Variants in ITGB5 observed in about 807,000 individuals in gnomAD.
ITGB5 encodes integrin subunit beta 5.
A neutral mutation model predicts 84.8 loss-of-function variants in ITGB5; 38 were observed. The ratio of observed to expected loss-of-function variants is 0.45; its 90% CI spans 0.35 to 0.59. ITGB5 has a LOEUF of 0.59. ITGB5 is among the 20% of genes least tolerant of loss of function. The pLI is 0.01. For missense variants in ITGB5, 905 were observed against 1,034.5 expected, an observed-to-expected ratio of 0.87 and a Z score of 1.72; for synonymous variants, 393 against 414.4, an observed-to-expected ratio of 0.95 and a Z score of 0.63.
At chr3:124,774,656 A>G (rs1185173756) in intron 10 of ITGB5, among the ~76,000 whole-genome samples, 7 of 152,200 alleles carry the variant, frequency 4.6e-5, no homozygotes, top group Admixed American at 4.6e-4. Flanking sequence ...TTATGTCACT[A>G]AATCTGCGGT....
chr3:124,886,837 A>G, intron 1 of ITGB5, 94 bp downstream of exon 1: 1 of 765,510 alleles, frequency 1.3e-6, no homozygotes, highest in Non-Finnish European at 1.7e-6. Context: ...CTCCGCCCTC[A>G]GGCACCGCCT....
chr3:124,885,663 T>C lies in ITGB5; in HGVS notation c.70+1268A>G, dbSNP rs150918292. Among the ~76,000 whole-genome samples the C allele has an allele frequency of 3.5e-3, 538 of 152,348 alleles. 6 individuals carry two copies. The highest frequency in any genetic ancestry group is 0.011 in the African/African-American group (472 of 41,590). On this transcript the variant is annotated intron_variant, in intron 1 of 14. Transcript: ENST00000296181. ...ACATCTTCCTGCTCCTCGCTTTCCC[T>C]AGGGACCCATGAAAATATCCGTGAT...
At chr3:124,772,898 T>G (rs974123944) in intron 11 of ITGB5, among the ~76,000 whole-genome samples, 1 of 151,216 alleles carries the variant, frequency 6.6e-6, no homozygotes, top group East Asian at 1.9e-4. Context: ...CGGGTGCCTT[T>G]CTCTCCAATT....
At chr3:124,785,349 CA>C (rs1184630743) in intron 10 of ITGB5, among the ~76,000 whole-genome samples, 2 of 151,572 alleles carry the variant, frequency 1.3e-5, no homozygotes, top group African/African-American at 2.4e-5. Context: ...TTTGGGAGGC[CA>C]AGGTGGGCAG....
intron 1 of ITGB5, among the ~76,000 whole-genome samples, chr3:124,900,830 T>C (rs1935201678): frequency 1.3e-5 from 2 of 152,216 alleles, no homozygotes; most frequent in East Asian, 3.8e-4. Flanking sequence ...TTTTGTACAA[T>C]CACCGCTAAA....
chr3:124,796,928 C>T (rs997754060), intron 9 of ITGB5, 111 bp from the exon 10 acceptor site: 9 of 1,032,504 alleles, frequency 8.7e-6, no homozygotes, highest in Admixed American at 5.5e-5. Context: ...GCCCTCTCCA[C>T]GCACTCAGGT....
intron 1 of ITGB5, among the ~76,000 whole-genome samples, chr3:124,899,853 CAAAAAAAAAAAAAAAA>C (rs60859904): frequency 5.7e-5 from 2 of 35,008 alleles, no homozygotes; most frequent in African/African-American, 3.1e-4. Flanking sequence ...GACCCTGTCT[CAAAAAAAAAAAAAAAA>C]AAAAAAAAAA....
chr3:124,840,660 T>C (rs980004986), intron 5 of ITGB5, among the ~76,000 whole-genome samples: 2 of 125,940 alleles, frequency 1.6e-5, no homozygotes, highest in African/African-American at 6.0e-5. Flanking sequence ...TTCTTTTTCT[T>C]TCTTTTTTTT....
chr3:124,818,657 G>A (rs966716832), intron 7 of ITGB5, among the ~76,000 whole-genome samples: 49 of 151,872 alleles, frequency 3.2e-4, no homozygotes, highest in African/African-American at 1.1e-3. Context: ...GGGATTGTAG[G>A]CACACACCAC....
chr3:124,892,575 G>GTCCC (rs1935021926), upstream of ITGB5, among the ~76,000 whole-genome samples: 1 of 147,188 alleles, frequency 6.8e-6, no homozygotes, highest in Non-Finnish European at 1.5e-5. Context: ...AGTGCCTGTA[G>GTCCC]TCCCAGCTAC....
intron 5 of ITGB5, among the ~76,000 whole-genome samples, chr3:124,834,860 C>T (rs2064910738): frequency 6.6e-6 from 1 of 152,142 alleles, no homozygotes; most frequent in Non-Finnish European, 1.5e-5. Context: ...CAGGTAGAGG[C>T]CACAGGCAGA....
At chr3:124,795,358 G>A (rs146041166) in intron 10 of ITGB5, among the ~76,000 whole-genome samples, 7,699 of 151,982 alleles carry the variant, frequency 0.051, 464 homozygotes, top group African/African-American at 0.14. Flanking sequence ...GTGTGGTGGC[G>A]GGCGCCTATA....
intron 10 of ITGB5, among the ~76,000 whole-genome samples, chr3:124,783,214 C>G (rs754075612): frequency 2.7e-5 from 4 of 146,882 alleles, no homozygotes; most frequent in African/African-American, 1.0e-4. Flanking sequence ...TTGCTTGAAC[C>G]AGGCAGGCGG....
intron 2 of ITGB5, among the ~76,000 whole-genome samples, chr3:124,865,126 G>T (rs962930898): frequency 3.9e-5 from 6 of 152,126 alleles, no homozygotes; most frequent in African/African-American, 1.4e-4. Flanking sequence ...TTTCTTTGCT[G>T]CCCCAAATTC....
At chr3:124,813,194 G>A (rs1441176013) in intron 8 of ITGB5, among the ~76,000 whole-genome samples, 1 of 152,210 alleles carries the variant, frequency 6.6e-6, no homozygotes, top group African/African-American at 2.4e-5. Flanking sequence ...GCCCAGCCCA[G>A]CCTTTCCCGT....
chr3:124,859,465 GAA>G lies in ITGB5; in HGVS notation c.157-21_157-20del, dbSNP rs2065266770. The G allele has an allele frequency of 3.7e-6, 6 of 1,608,036 alleles. No individual in the cohort carries two copies. Among genetic ancestry groups the G allele is most frequent in the Admixed American group, 1.7e-5 (1 of 58,788 alleles). On this transcript the variant is annotated intron_variant, in intron 2 of 14. Coordinates refer to ENST00000296181, the MANE Select transcript of ITGB5 (RefSeq NM_002213.5). ...CGAAGTCCTAGGCAGGGAAAAAGAG[GAA>G]GAGAGCAGGAGGTGGTCAGGGTGTC...
intron 3 of ITGB5, among the ~76,000 whole-genome samples, chr3:124,849,009 G>C (rs2065116240): frequency 6.6e-6 from 1 of 151,970 alleles, no homozygotes; most frequent in Non-Finnish European, 1.5e-5. Flanking sequence ...CCAACTCCTG[G>C]CCTCAAGTGA....
chr3:124,806,129 G>T (rs966393635), intron 9 of ITGB5, among the ~76,000 whole-genome samples: 2 of 152,016 alleles, frequency 1.3e-5, no homozygotes, highest in Non-Finnish European at 2.9e-5. Flanking sequence ...CTACAAATCC[G>T]CATGACTGTG....
chr3:124,889,433 A>G (rs141833626), upstream of ITGB5, among the ~76,000 whole-genome samples: 1,820 of 152,302 alleles, frequency 0.012, 65 homozygotes, highest in Admixed American at 0.043. Context: ...ATGTCTCCCT[A>G]AAACGTATAA....
Sources: gnomAD v4.1 joint callset for allele counts (sites outside exome capture counted in the v4.1 genomes callset) on GRCh38, gnomAD v4.1.1 for gene constraint, MANE v1.5 for transcripts, NCBI Gene and HGNC (gene_info 2026-07-23, HGNC 2026-07-21) for gene names.